The following NRCAM variants were observed in gnomAD, a reference collection of about 807,000 sequenced individuals.
The protein encoded by NRCAM is NgCAM-related cell adhesion molecule.
In NRCAM, 83 loss-of-function variants were observed where a neutral mutation model predicts 156.5. That is an observed-to-expected ratio of 0.53 (90% CI 0.44 to 0.64). NRCAM has a LOEUF of 0.64. Among genes scored for constraint, NRCAM ranks in the 30% least tolerant of loss-of-function variants. The pLI is 0.00. For synonymous variants in NRCAM, 538 were observed against 563.9 expected, an observed-to-expected ratio of 0.95 and a Z score of 0.65; for missense variants, 1,417 against 1,597.3, an observed-to-expected ratio of 0.89 and a Z score of 1.92.
chr7:108,266,474 C>T (rs2097107435), intron 3 of NRCAM, among the ~76,000 whole-genome samples: 1 of 152,200 alleles, frequency 6.6e-6, no homozygotes, highest in Non-Finnish European at 1.5e-5. Context: ...CAAAGGTAAT[C>T]AGCCACTGCA....
intron 20 of NRCAM, among the ~76,000 whole-genome samples, chr7:108,186,941 G>GT (rs1395111099): frequency 6.6e-6 from 1 of 152,146 alleles, no homozygotes; most frequent in Non-Finnish European, 1.5e-5. Context: ...ATATAAAGTT[G>GT]AACCTGTAAT....
At chr7:108,432,857 C>G (rs1827180983) in intron 1 of NRCAM, among the ~76,000 whole-genome samples, 1 of 151,584 alleles carries the variant, frequency 6.6e-6, no homozygotes, top group Non-Finnish European at 1.5e-5. Flanking sequence ...AGCACCACTG[C>G]ACTCCAGCCT....
At chr7:108,184,137 C>A in intron 22 of NRCAM, 104 bp downstream of exon 22, 1 of 658,520 alleles carries the variant, frequency 1.5e-6, no homozygotes, top group Non-Finnish European at 2.5e-6. Context: ...TATTTTTTTT[C>A]CCCAGAAATA....
At chr7:108,231,654 T>C (rs2094346980) in intron 7 of NRCAM, among the ~76,000 whole-genome samples, 1 of 152,184 alleles carries the variant, frequency 6.6e-6, no homozygotes, top group East Asian at 1.9e-4. Context: ...CATACATACA[T>C]ATCTGCCTAG....
Position 108,182,731 on chromosome 7 carries a change from C to G in NRCAM, c.2494G>C (p.Glu832Gln), listed in dbSNP as rs745393054. 1 of 1,614,230 alleles carries G rather than the reference C, an allele frequency of 6.2e-7. No homozygotes were observed. Among genetic ancestry groups the G allele is most frequent in the Non-Finnish European group, 8.5e-7 (1 of 1,180,048 alleles). The change falls in exon 23 of 33, where the codon GAG becomes CAG. Residue 832 changes from glutamate to glutamine, a missense_variant. Glu to Gln is a conservative substitution (Grantham distance 29). This residue lies in a region of NRCAM where 1,238 missense variants were observed against 1,336.4 expected (regional missense o/e 0.93). Transcript: ENST00000379028. ...GAATGTCCCATGACTACAGCTGGCT[C>G]GGGGGCAAACCCCATGTCATTCAGG... ...QALNDMGFAP[E>Q]PAVVMGHSGE...
At chr7:108,234,890 T>C in intron 5 of NRCAM, 1 of 727,184 alleles carries the variant, frequency 1.4e-6, no homozygotes, top group Non-Finnish European at 2.5e-6. Flanking sequence ...TTTAACTTTC[T>C]TTCGGTAACT....
chr7:108,316,171 G>A (rs1206227416), intron 2 of NRCAM, among the ~76,000 whole-genome samples: 1 of 152,182 alleles, frequency 6.6e-6, no homozygotes, highest in Non-Finnish European at 1.5e-5. Flanking sequence ...TCAATATTGT[G>A]GGAGTAGGTT....
intron 1 of NRCAM, among the ~76,000 whole-genome samples, chr7:108,424,344 G>C (rs1814297915): frequency 6.6e-6 from 1 of 152,178 alleles, no homozygotes; most frequent in South Asian, 2.1e-4. Context: ...ATGAGGTGCT[G>C]GAAAAACTGC....
intron 3 of NRCAM, among the ~76,000 whole-genome samples, chr7:108,244,038 C>T (rs1378109674): frequency 2.6e-5 from 4 of 152,150 alleles, no homozygotes; most frequent in African/African-American, 9.7e-5. Context: ...AGAGAAACAG[C>T]TCTCCTGTTG....
chr7:108,252,763 G>GA (rs2096429448), intron 3 of NRCAM, among the ~76,000 whole-genome samples: 1 of 152,214 alleles, frequency 6.6e-6, no homozygotes. Flanking sequence ...CAAGATGCAG[G>GA]AAAAACGGTC....
rs550735175 is a variant in NRCAM at position 108,305,914 on chromosome 7, A to G, written c.-107+6751T>C. Reference sequence around the variant, plus strand: ...GCTTCCAAATCTAACATGTATTAAAATGATTTAAACACATATTCTGTGTAC... The same window carrying G: ...GCTTCCAAATCTAACATGTATTAAAGTGATTTAAACACATATTCTGTGTAC... On this transcript the variant is annotated intron_variant, in intron 3 of 32. Transcript: ENST00000379028. 7.2e-5 allele frequency among the ~76,000 whole-genome samples: 11 copies of G among 152,374 alleles called. No individual in the cohort carries two copies. In the East Asian group the frequency reaches 2.1e-3, roughly 29 times the overall value.
chr7:108,210,273 G>A (rs1383431346), intron 11 of NRCAM, among the ~76,000 whole-genome samples: 1 of 150,058 alleles, frequency 6.7e-6, no homozygotes, highest in Non-Finnish European at 1.5e-5. Context: ...TTGAGATGGA[G>A]TCTTGCTCTG....
At chr7:108,372,795 C>T (rs780841867) in intron 2 of NRCAM, among the ~76,000 whole-genome samples, 1 of 152,006 alleles carries the variant, frequency 6.6e-6, no homozygotes, top group Non-Finnish European at 1.5e-5. Flanking sequence ...TATGGAGATT[C>T]CTCAAAAAAT....
intron 2 of NRCAM, among the ~76,000 whole-genome samples, chr7:108,385,063 A>G (rs1272418507): frequency 6.6e-6 from 1 of 152,246 alleles, no homozygotes; most frequent in Non-Finnish European, 1.5e-5. Flanking sequence ...ACTAGACTCA[A>G]AATCTGTAGC....
At position 108,244,961 on chromosome 7, in the gene NRCAM, T is replaced by C. The variant is rs539153957; in HGVS notation, c.-106-4791A>G. 2.6e-5 allele frequency among the ~76,000 whole-genome samples: 4 copies of C among 152,332 alleles called. No individual in the cohort carries two copies. The South Asian group carries it at 6.2e-4, about 24-fold the overall frequency. ...ACAGAAAAACAGGTATTTCTACCCATTTAACAGACAAGAAAATAATCCAGT... is the reference window on the plus strand; with the variant it reads ...ACAGAAAAACAGGTATTTCTACCCACTTAACAGACAAGAAAATAATCCAGT... On this transcript the variant is annotated intron_variant, in intron 3 of 32. Coordinates refer to ENST00000379028, the MANE Select transcript of NRCAM (RefSeq NM_001037132.4).
chr7:108,184,341 G>A, intron 21 of NRCAM, 30 bp from the exon 22 acceptor site: 2 of 1,613,582 alleles, frequency 1.2e-6, no homozygotes, highest in Non-Finnish European at 1.7e-6. Flanking sequence ...ACATGTGTAA[G>A]CTTTGGCCTT....
intron 2 of NRCAM, among the ~76,000 whole-genome samples, chr7:108,390,444 C>A (rs890901368): frequency 1.6e-4 from 24 of 152,014 alleles, no homozygotes; most frequent in Non-Finnish European, 2.9e-4. Flanking sequence ...TTTATTGCAT[C>A]TATTTGATTC....
chr7:108,393,165 T>C (rs971696387), intron 2 of NRCAM, among the ~76,000 whole-genome samples: 1 of 152,120 alleles, frequency 6.6e-6, no homozygotes, highest in Non-Finnish European at 1.5e-5. Flanking sequence ...CCCCCAGAGG[T>C]GGAATCTACA....
intron 3 of NRCAM, among the ~76,000 whole-genome samples, chr7:108,258,390 C>T (rs2096764299): frequency 6.6e-6 from 1 of 152,152 alleles, no homozygotes; most frequent in Non-Finnish European, 1.5e-5. Flanking sequence ...CCATGGGCCA[C>T]CCTTCATTTT....
Sources: allele counts gnomAD v4.1 joint callset (sites outside exome capture counted in the v4.1 genomes callset), GRCh38; gene constraint gnomAD v4.1.1; regional missense constraint gnomAD v4.1.1; transcripts MANE v1.5; gene names NCBI Gene and HGNC (gene_info 2026-07-23, HGNC 2026-07-21).